The following FAT3 variants were observed in gnomAD, a reference collection of about 807,000 sequenced individuals.
FAT3 encodes the protein FAT atypical cadherin 3, also known as protocadherin Fat 3.
A neutral mutation model predicts 310.2 loss-of-function variants in FAT3; 95 were observed. The ratio of observed to expected loss-of-function variants is 0.31; its 90% confidence interval spans 0.26 to 0.36. The LOEUF is 0.36. FAT3 is among the 10% of genes least tolerant of loss of function. The probability of loss-of-function intolerance (pLI) is 1.00; values close to 1 mark genes in which losing one functional copy is unlikely to be tolerated. For synonymous variants in FAT3, 2,314 were observed against 2,192.9 expected (o/e 1.06, Z -1.54); for missense variants, 5,408 against 5,715.6 (o/e 0.95, Z 1.74).
chr11:92,847,969 A>G (rs1475327394), intron 19 of FAT3, among the ~76,000 whole-genome samples: 2 of 152,012 alleles, frequency 1.3e-5, no homozygotes, highest in Admixed American at 1.3e-4. Context: ...GCACACACTC[A>G]CATGCAATTA....
rs577418917 is a variant in FAT3, at chr11:92,679,447, G to A, written c.3608-17937G>A. Among the ~76,000 whole-genome samples the A allele has an allele frequency of 3.3e-5, 5 of 151,712 alleles. No homozygotes were observed. In the South Asian group the frequency reaches 6.3e-4, roughly 19 times the overall value. The stretch of plus-strand genomic sequence containing the variant: ...CATTTATGAGTTCCCTTTTCTCCAC[G>A]TCCTCATCAACACCTAGTATTTTTT... On this transcript the variant is annotated intron_variant, in intron 3 of 27. Transcript: ENST00000525166.
At chr11:92,575,244 C>T (rs991316045) in intron 3 of FAT3, among the ~76,000 whole-genome samples, 5 of 152,118 alleles carry the variant, frequency 3.3e-5, no homozygotes, top group Non-Finnish European at 5.9e-5. Flanking sequence ...TTATCTGGCT[C>T]ACTAAAGATA....
rs1037700378 is a variant in FAT3 at position 92,867,207 on chromosome 11, G to T, written c.12125G>T (p.Gly4042Val). 2.6e-6 allele frequency: 4 copies of T among 1,568,152 alleles called. No individual in the cohort carries two copies. Among genetic ancestry groups the T allele is most frequent in the Admixed American group, 3.6e-5 (2 of 54,998 alleles). ...GGCAGCTGCACTGGCCTGCCATCGGGGGGTGAGTGTGGCTACGCAGTGGGC... is the reference window on the plus strand; with the variant it reads ...GGCAGCTGCACTGGCCTGCCATCGGTGGGTGAGTGTGGCTACGCAGTGGGC... ...HGGSCTGLPS[G>V]GYQCTCLSQF... Residue 4042 changes from glycine to valine, a missense_variant and splice_region_variant, in exon 22 of 28, where the codon GGG (glycine) becomes GTG (valine). Gly to Val is a moderately radical substitution (Grantham distance 109). This residue lies in a region of FAT3 where 4,588 missense variants were observed against 4,809.8 expected (regional missense o/e 0.95). Coordinates refer to ENST00000525166, the MANE Select transcript of FAT3 (RefSeq NM_001367949.2).
At chr11:92,333,876 C>T (rs1947985144) in intron 1 of FAT3, among the ~76,000 whole-genome samples, 1 of 151,958 alleles carries the variant, frequency 6.6e-6, no homozygotes, top group Non-Finnish European at 1.5e-5. Context: ...AATCAAGGCC[C>T]TTCTTTGATT....
At position 92,789,978 on chromosome 11, in the gene FAT3, C is replaced by G. The variant is rs747827951; in HGVS notation, c.4371C>G (p.Gly1457=). 78 of 1,613,542 alleles carry G rather than the reference C, an allele frequency of 4.8e-5. No individual in the cohort carries two copies. The highest frequency in any genetic ancestry group is 6.4e-5 in the Non-Finnish European group (75 of 1,179,698). The change falls in exon 8 of 28, where the codon GGC becomes GGG. Residue 1457 remains glycine (G), a synonymous_variant. Transcript: ENST00000525166. Reference sequence around the variant, plus strand: ...AAGTGCTGGATAATAATGATAATGGCCCAGAATTCTCTCAGCCGAATTACG... The same window carrying G: ...AAGTGCTGGATAATAATGATAATGGGCCAGAATTCTCTCAGCCGAATTACG... ...FIKVLDNNDN[G]PEFSQPNYDV...
At chr11:92,809,796 C>T in intron 12 of FAT3, 47 bp from the exon 13 acceptor site, 1 of 1,459,438 alleles carries the variant, frequency 6.9e-7, no homozygotes, top group African/African-American at 1.4e-5. Flanking sequence ...CAAAGAAAGA[C>T]AGTTTTTAAA....
chr11:92,557,139 C>T lies in FAT3; in HGVS notation c.3607+32191C>T, dbSNP rs496229. 4.0e-3 allele frequency among the ~76,000 whole-genome samples: 605 copies of T among 152,044 alleles called. 1 individual carries two copies. The highest frequency in any genetic ancestry group is 0.01 in the Middle Eastern group (3 of 294). Reference sequence around the variant, plus strand: ...GAAACTTTTCTACTTTCCTGTACAGCCCCTCCTCCATCTTCACCTTCTGCA... The same window carrying T: ...GAAACTTTTCTACTTTCCTGTACAGTCCCTCCTCCATCTTCACCTTCTGCA... On this transcript the variant is annotated intron_variant, in intron 3 of 27. Coordinates refer to ENST00000525166, the MANE Select transcript of FAT3 (RefSeq NM_001367949.2).
intron 6 of FAT3, among the ~76,000 whole-genome samples, chr11:92,772,156 A>T (rs1450532137): frequency 6.6e-6 from 1 of 152,200 alleles, no homozygotes; most frequent in Non-Finnish European, 1.5e-5. Context: ...CATGACCCAA[A>T]GATTTAAGAA....
chr11:92,529,007 G>T (rs1399649459), intron 3 of FAT3, among the ~76,000 whole-genome samples: 1 of 152,214 alleles, frequency 6.6e-6, no homozygotes, highest in Non-Finnish European at 1.5e-5. Flanking sequence ...CAATTGCTAG[G>T]TAGCACTGAA....
At chr11:92,431,466 G>A (rs1192437808) in intron 2 of FAT3, among the ~76,000 whole-genome samples, 1 of 152,136 alleles carries the variant, frequency 6.6e-6, no homozygotes, top group South Asian at 2.1e-4. Context: ...TAGGTTGCCT[G>A]TTCACTCTGA....
chr11:92,434,688 C>T (rs1950886177), intron 2 of FAT3, among the ~76,000 whole-genome samples: 1 of 152,194 alleles, frequency 6.6e-6, no homozygotes, highest in African/African-American at 2.4e-5. Flanking sequence ...AGGCCCATTT[C>T]CTCCTCTGTG....
At chr11:92,684,961 A>G (rs1943589082) in intron 3 of FAT3, among the ~76,000 whole-genome samples, 1 of 152,198 alleles carries the variant, frequency 6.6e-6, no homozygotes, top group Non-Finnish European at 1.5e-5. Flanking sequence ...GGATTAACTC[A>G]TCAAACTCCA....
chr11:92,563,370 A>G (rs768013905), intron 3 of FAT3, among the ~76,000 whole-genome samples: 1 of 152,194 alleles, frequency 6.6e-6, no homozygotes, highest in Non-Finnish European at 1.5e-5. Flanking sequence ...GTACTCTTAT[A>G]AGTAAAACAT....
chr11:92,455,147 C>G (rs993797371), intron 2 of FAT3, among the ~76,000 whole-genome samples: 2 of 152,126 alleles, frequency 1.3e-5, no homozygotes, highest in Admixed American at 1.3e-4. Context: ...GGGAATATCC[C>G]TGAATATTTT....
intron 17 of FAT3, among the ~76,000 whole-genome samples, chr11:92,839,175 G>A (rs770035801): frequency 2.6e-5 from 4 of 152,260 alleles, no homozygotes; most frequent in East Asian, 1.9e-4. Context: ...TTTCAAATGC[G>A]CAACAGGAGG....
chr11:92,434,015 C>A (rs1267784462), intron 2 of FAT3, among the ~76,000 whole-genome samples: 733 of 125,476 alleles, frequency 5.8e-3, no homozygotes, highest in Non-Finnish European at 6.5e-3. Flanking sequence ...GACTCAGTCT[C>A]AAAAAAAAAA....
intron 4 of FAT3, among the ~76,000 whole-genome samples, chr11:92,753,790 G>A (rs1456951542): frequency 9.4e-6 from 1 of 105,842 alleles, no homozygotes; most frequent in Non-Finnish European, 1.9e-5. Flanking sequence ...GTGTGTGTGT[G>A]TGTGTGTGTA....
At chr11:92,563,174 A>G (rs1955295552) in intron 3 of FAT3, among the ~76,000 whole-genome samples, 1 of 152,192 alleles carries the variant, frequency 6.6e-6, no homozygotes, top group Admixed American at 6.6e-5. Flanking sequence ...TCTTTTGAGT[A>G]ATTGCTCAGA....
intron 4 of FAT3, among the ~76,000 whole-genome samples, chr11:92,698,802 G>A (rs1331208940): frequency 6.6e-6 from 1 of 152,086 alleles, no homozygotes; most frequent in East Asian, 1.9e-4. Context: ...ATATTCATGG[G>A]CTTCTTTCCT....
Sources: allele counts gnomAD v4.1 joint callset (sites outside exome capture counted in the v4.1 genomes callset), GRCh38; gene constraint gnomAD v4.1.1; regional missense constraint gnomAD v4.1.1; transcripts MANE v1.5; gene names NCBI Gene and HGNC (gene_info 2026-07-23, HGNC 2026-07-21).